Variants in QTMAN observed in about 807,000 individuals in gnomAD.
QTMAN encodes the protein tRNA-queuosine alpha-mannosyltransferase.
the QTMAN span, among the ~76,000 whole-genome samples, chr2:144,255,846 C>T: frequency 6.6e-6 from 1 of 152,096 alleles, no homozygotes; most frequent in Admixed American, 6.5e-5. Context: ...AATTTTAGGC[C>T]TTTGGTTGAT....
chr2:143,950,900 G>A, the QTMAN span: 1 of 151,768 alleles, frequency 6.6e-6, no homozygotes. Flanking sequence ...ACTATTATGA[G>A]CTACCTTCTG....
chr2:144,045,287 G>C, the QTMAN span, among the ~76,000 whole-genome samples: 1 of 152,228 alleles, frequency 6.6e-6, no homozygotes, highest in Non-Finnish European at 1.5e-5. Context: ...GTCTACATCG[G>C]AAGTGTGTGT....
At chr2:144,164,517 T>G in the QTMAN span, among the ~76,000 whole-genome samples, 2 of 152,238 alleles carry the variant, frequency 1.3e-5, no homozygotes, top group Admixed American at 1.3e-4. Flanking sequence ...ACTCTTACTA[T>G]TCTTGTTTTC....
At chr2:144,049,839 C>G in the QTMAN span, among the ~76,000 whole-genome samples, 5 of 152,032 alleles carry the variant, frequency 3.3e-5, no homozygotes, top group African/African-American at 1.2e-4. Flanking sequence ...GAGCTAAATA[C>G]TATATTAGTT....
chr2:144,075,305 G>C, the QTMAN span, among the ~76,000 whole-genome samples: 1 of 152,150 alleles, frequency 6.6e-6, no homozygotes, highest in African/African-American at 2.4e-5. Context: ...GTCGTAACAC[G>C]CACTCACATG....
At chr2:144,233,515 T>C in the QTMAN span, among the ~76,000 whole-genome samples, 4 of 152,184 alleles carry the variant, frequency 2.6e-5, no homozygotes, top group African/African-American at 7.2e-5. Context: ...TCGGTGATGC[T>C]GTGAGGGTAG....
At chr2:144,012,282 C>G in the QTMAN span, among the ~76,000 whole-genome samples, 1 of 152,250 alleles carries the variant, frequency 6.6e-6, no homozygotes, top group Admixed American at 6.5e-5. Flanking sequence ...ATGTATACCC[C>G]TCACCACAGT....
chr2:144,148,929 C>T, the QTMAN span, among the ~76,000 whole-genome samples: 1 of 151,820 alleles, frequency 6.6e-6, no homozygotes, highest in South Asian at 2.1e-4. Context: ...GAAATTATCT[C>T]CATCATCTCT....
chr2:144,301,829 T>C, the QTMAN span, among the ~76,000 whole-genome samples: 1 of 152,206 alleles, frequency 6.6e-6, no homozygotes, highest in Non-Finnish European at 1.5e-5. Context: ...AGGAGGCATG[T>C]CTTCTTTATC....
At chr2:144,034,038 T>C in the QTMAN span, among the ~76,000 whole-genome samples, 5 of 152,220 alleles carry the variant, frequency 3.3e-5, no homozygotes, top group African/African-American at 1.2e-4. Context: ...ATTCTTACAC[T>C]GTCAAGGAGT....
the QTMAN span, among the ~76,000 whole-genome samples, chr2:144,090,635 T>C: frequency 6.6e-6 from 1 of 151,988 alleles, no homozygotes; most frequent in East Asian, 1.9e-4. Flanking sequence ...AGGTAAATAT[T>C]GAAGTATACA....
chr2:144,279,739 T>C, the QTMAN span, among the ~76,000 whole-genome samples: 522 of 152,350 alleles, frequency 3.4e-3, 2 homozygotes, highest in African/African-American at 0.012. Context: ...ATTAGGAAGA[T>C]GGTATTCACC....
the QTMAN span, among the ~76,000 whole-genome samples, chr2:143,991,544 C>T: frequency 4.1e-5 from 6 of 146,936 alleles, no homozygotes; most frequent in African/African-American, 1.0e-4. Flanking sequence ...CCAGCCGCCC[C>T]GTCCGGGAGG....
chr2:144,274,418 G>A, the QTMAN span, among the ~76,000 whole-genome samples: 1 of 152,188 alleles, frequency 6.6e-6, no homozygotes, highest in African/African-American at 2.4e-5. Context: ...ATGGGGGCTG[G>A]TTGCCAGGAT....
chr2:143,974,570 A>G, the QTMAN span, among the ~76,000 whole-genome samples: 1 of 152,216 alleles, frequency 6.6e-6, no homozygotes, highest in Non-Finnish European at 1.5e-5. Context: ...AGTAAAAGAG[A>G]GATGACAGAG....
chr2:144,231,263 A>C, the QTMAN span, among the ~76,000 whole-genome samples: 1 of 152,150 alleles, frequency 6.6e-6, no homozygotes, highest in Non-Finnish European at 1.5e-5. Context: ...TTGATATCAA[A>C]CAAGACATTC....
the QTMAN span, among the ~76,000 whole-genome samples, chr2:143,991,748 C>T: frequency 6.7e-6 from 1 of 148,152 alleles, no homozygotes; most frequent in African/African-American, 2.5e-5. Context: ...GGGGTCAGCC[C>T]CCCGCCCCGC....
At chr2:143,972,571 CT>C in the QTMAN span, among the ~76,000 whole-genome samples, 1 of 151,942 alleles carries the variant, frequency 6.6e-6, no homozygotes, top group Non-Finnish European at 1.5e-5. Context: ...AAGCAGCAGG[CT>C]TTATAAACCT....
the QTMAN span, among the ~76,000 whole-genome samples, chr2:144,045,408 C>T: frequency 1.3e-5 from 2 of 152,168 alleles, no homozygotes; most frequent in African/African-American, 2.4e-5. Flanking sequence ...CTGTTTAACA[C>T]CACACATCTA....
Sources: gnomAD v4.1 joint callset for allele counts (sites outside exome capture counted in the v4.1 genomes callset) on GRCh38, gnomAD v4.1.1 for gene constraint, MANE v1.5 for transcripts, NCBI Gene and HGNC (gene_info 2026-07-23, HGNC 2026-07-21) for gene names.